Variants in ARHGAP40 observed in about 807,000 individuals in gnomAD.
The protein encoded by ARHGAP40 is rho GTPase-activating protein 40.
A neutral mutation model predicts 73.5 loss-of-function variants in ARHGAP40; 43 were observed. The observed-to-expected ratio is 0.58, with a 90% CI of 0.46 to 0.75. The LOEUF (loss-of-function observed/expected upper bound fraction) is 0.75. ARHGAP40 is among the 30% of genes least tolerant of loss of function. ARHGAP40 has a pLI of 0.00. For missense variants in ARHGAP40, 734 were observed against 861.8 expected (o/e 0.85, Z 1.86); for synonymous variants, 300 against 352.8 (o/e 0.85, Z 1.68).
intron 11 of ARHGAP40, among the ~76,000 whole-genome samples, chr20:38,644,276 G>T (rs2089038442): frequency 6.6e-6 from 1 of 152,070 alleles, no homozygotes; most frequent in African/African-American, 2.4e-5. Context: ...CCCAGAACCA[G>T]ATAACAGGGA....
intron 5 of ARHGAP40, 105 bp from the exon 6 acceptor site, chr20:38,634,515 C>G (rs2088960781): frequency 9.7e-7 from 1 of 1,030,008 alleles, no homozygotes; most frequent in African/African-American, 1.7e-5. Context: ...CTTATCCACG[C>G]TGCTCTTCCT....
exon 1 of ARHGAP40, chr20:38,601,957 C>G (rs114346008): frequency 7.8e-7 from 1 of 1,287,764 alleles, no homozygotes; most frequent in African/African-American, 1.5e-5. Flanking sequence ...CCGAGCCTGC[C>G]CTCCTCCCCG....
At chr20:38,605,165 C>T (rs1479108725) in intron 1 of ARHGAP40, among the ~76,000 whole-genome samples, 1 of 152,202 alleles carries the variant, frequency 6.6e-6, no homozygotes, top group Non-Finnish European at 1.5e-5. Flanking sequence ...TGTTTACCCA[C>T]AGCTCTCCAG....
chr20:38,647,236 T>A, intron 13 of ARHGAP40, 110 bp downstream of exon 13: 1 of 1,014,154 alleles, frequency 9.9e-7, no homozygotes, highest in Non-Finnish European at 1.3e-6. Context: ...GACCTGGCCT[T>A]CCCTTTCTGG....
intron 5 of ARHGAP40, among the ~76,000 whole-genome samples, chr20:38,631,336 A>G (rs752462349): frequency 3.1e-4 from 46 of 149,780 alleles, no homozygotes; most frequent in Non-Finnish European, 5.9e-4. Flanking sequence ...GAGAAGTGGC[A>G]TATGTTAGTC....
chr20:38,640,151 CTCTTCTTTCTTCTTTCT>C (rs1438198018), intron 9 of ARHGAP40, among the ~76,000 whole-genome samples: 2 of 136,766 alleles, frequency 1.5e-5, no homozygotes, highest in Non-Finnish European at 3.1e-5. Flanking sequence ...TTTCTTCTTC[CTCTTCTTTCTTCTTTCT>C]TCTTCTTTCT....
At chr20:38,626,381 A>G (rs2088898820) in intron 2 of ARHGAP40, among the ~76,000 whole-genome samples, 1 of 152,204 alleles carries the variant, frequency 6.6e-6, no homozygotes, top group Non-Finnish European at 1.5e-5. Context: ...TCTGAGGAAG[A>G]CATTCGAAGT....
At chr20:38,633,637 A>AT (rs2088955090) in intron 5 of ARHGAP40, among the ~76,000 whole-genome samples, 1 of 152,212 alleles carries the variant, frequency 6.6e-6, no homozygotes, top group South Asian at 2.1e-4. Context: ...ACTAGGCTGT[A>AT]TTATAAGCAT....
At chr20:38,633,734 T>C (rs1049834499) in intron 5 of ARHGAP40, among the ~76,000 whole-genome samples, 2 of 152,222 alleles carry the variant, frequency 1.3e-5, no homozygotes, top group Non-Finnish European at 2.9e-5. Flanking sequence ...TGAGCAAGCC[T>C]GGCCCTCCCG....
In ARHGAP40 at chr20:38,613,265, T is replaced by A. The variant is rs117081244; in HGVS notation, c.138-10094T>A. On this transcript the variant is annotated intron_variant, in intron 1 of 14. Coordinates refer to ENST00000373345, the Ensembl canonical transcript of ARHGAP40. ...TTGGGAATATTTGTCGTCTCAGAGG[T>A]CATGGGCAGTACCTTAATCTCCCCC... Among the ~76,000 whole-genome samples, 1,436 of 152,186 alleles carry A rather than the reference T, an allele frequency of 9.4e-3. 21 individuals are homozygous for A. Among genetic ancestry groups the A allele is most frequent in the Non-Finnish European group, 0.015 (1,012 of 68,012 alleles).
intron 1 of ARHGAP40, among the ~76,000 whole-genome samples, chr20:38,614,676 G>C (rs2088824364): frequency 6.6e-6 from 1 of 152,194 alleles, no homozygotes; most frequent in East Asian, 1.9e-4. Flanking sequence ...TCAAAAGAGG[G>C]GGCAGAGAAG....
chr20:38,619,355 G>GGGA (rs1260503169), intron 1 of ARHGAP40, among the ~76,000 whole-genome samples: 12 of 152,130 alleles, frequency 7.9e-5, no homozygotes, highest in Non-Finnish European at 1.8e-4. Context: ...AGACTGCGAT[G>GGGA]AGGCTGTGGT....
chr20:38,647,313 C>A (rs528774705), intron 13 of ARHGAP40, among the ~76,000 whole-genome samples, 187 bp downstream of exon 13: 1 of 152,154 alleles, frequency 6.6e-6, no homozygotes, highest in Non-Finnish European at 1.5e-5. Context: ...TGATGACCAC[C>A]ACTCACTCAT....
intron 9 of ARHGAP40, among the ~76,000 whole-genome samples, chr20:38,641,079 A>AGGAGGGAGGGAG (rs148784970): frequency 7.0e-6 from 1 of 143,298 alleles, no homozygotes; most frequent in South Asian, 2.5e-4. Flanking sequence ...AAAGAAGGGA[A>AGGAGGGAGGGAG]GGAGGGAGGG....
At chr20:38,605,456 C>T (rs191336984) in intron 1 of ARHGAP40, among the ~76,000 whole-genome samples, 38 of 152,268 alleles carry the variant, frequency 2.5e-4, no homozygotes, top group Admixed American at 1.8e-3. Context: ...GAGGGGGACA[C>T]CGAATTCACT....
At chr20:38,615,510 C>T in intron 1 of ARHGAP40, 1 of 645,098 alleles carries the variant, frequency 1.6e-6, no homozygotes, top group Non-Finnish European at 2.9e-6. Flanking sequence ...GCCTCACAGT[C>T]TCCTTGGGCC....
At chr20:38,635,316 A>G (rs1359212102) in intron 6 of ARHGAP40, among the ~76,000 whole-genome samples, 1 of 152,212 alleles carries the variant, frequency 6.6e-6, no homozygotes, top group African/African-American at 2.4e-5. Flanking sequence ...AAGCACTTTT[A>G]GTGTATTATC....
chr20:38,613,002 C>A (rs774029314), intron 1 of ARHGAP40, among the ~76,000 whole-genome samples: 3 of 152,242 alleles, frequency 2.0e-5, no homozygotes, highest in Non-Finnish European at 1.5e-5. Context: ...AAGAGGCAGC[C>A]ACCACTTGGC....
At chr20:38,649,843 A>G (rs964663192) in exon 15 of ARHGAP40, 2 of 1,304,856 alleles carry the variant, frequency 1.5e-6, no homozygotes, top group Middle Eastern at 2.1e-4. Flanking sequence ...ACAGAACCCC[A>G]CCTAAACCCT....
Sources: allele counts gnomAD v4.1 joint callset (sites outside exome capture counted in the v4.1 genomes callset), GRCh38; gene constraint gnomAD v4.1.1; transcripts MANE v1.5; gene names NCBI Gene and HGNC (gene_info 2026-07-23, HGNC 2026-07-21).